DCC: variants seen among roughly 807,000 people sequenced by gnomAD.
DCC encodes DCC netrin 1 receptor, also known as netrin receptor DCC.
A neutral mutation model predicts 172.5 loss-of-function variants in DCC; 58 were observed. That is an observed-to-expected ratio of 0.34 (90% confidence interval 0.27 to 0.42). The LOEUF is 0.42. DCC is among the 10% of genes least tolerant of loss of function. DCC has a pLI of 1.00. For synonymous variants in DCC, 709 were observed against 644.5 expected (o/e 1.10, Z -1.52); for missense variants, 1,740 against 1,791.0 (o/e 0.97, Z 0.51).
At chr18:53,044,587 T>G (rs2042211671) in intron 5 of DCC, among the ~76,000 whole-genome samples, 1 of 151,816 alleles carries the variant, frequency 6.6e-6, no homozygotes, top group Non-Finnish European at 1.5e-5. Flanking sequence ...CTCATTACTT[T>G]AGGATATAAA....
At chr18:52,960,751 T>G (rs1598972543) in intron 5 of DCC, among the ~76,000 whole-genome samples, 1 of 152,264 alleles carries the variant, frequency 6.6e-6, no homozygotes, top group African/African-American at 2.4e-5. Context: ...CCAACACGGT[T>G]ACTCTCATAA....
At chr18:53,472,227 C>T (rs1038242453) in intron 25 of DCC, among the ~76,000 whole-genome samples, 16 of 152,078 alleles carry the variant, frequency 1.1e-4, no homozygotes, top group Non-Finnish European at 2.1e-4. Context: ...CTCTCATTTA[C>T]TAGAGAGAGA....
intron 2 of DCC, among the ~76,000 whole-genome samples, chr18:52,861,011 C>A (rs867638957): frequency 4.4e-3 from 532 of 120,278 alleles, no homozygotes; most frequent in Admixed American, 6.7e-3. Context: ...GAATCCATTT[C>A]AAAAAAAAAA....
At chr18:52,919,359 T>A (rs1011152916) in intron 3 of DCC, among the ~76,000 whole-genome samples, 5 of 152,236 alleles carry the variant, frequency 3.3e-5, no homozygotes, top group African/African-American at 1.2e-4. Flanking sequence ...AGTTGTAAAA[T>A]GTATGAACTA....
chr18:53,066,752 A>G (rs1303133034), intron 7 of DCC, among the ~76,000 whole-genome samples: 1 of 151,998 alleles, frequency 6.6e-6, no homozygotes, highest in East Asian at 1.9e-4. Context: ...GCTATAGAGA[A>G]ATATCTGAGA....
At chr18:52,387,726 T>C (rs1985869567) in intron 1 of DCC, among the ~76,000 whole-genome samples, 1 of 152,030 alleles carries the variant, frequency 6.6e-6, no homozygotes, top group South Asian at 2.1e-4. Context: ...TAGTTTGTTC[T>C]GGCCTCATTG....
At chr18:52,443,457 G>A (rs1050699945) in intron 1 of DCC, among the ~76,000 whole-genome samples, 7 of 151,950 alleles carry the variant, frequency 4.6e-5, no homozygotes, top group African/African-American at 1.7e-4. Context: ...GTGTTTGTGG[G>A]ACTACCAACA....
rs200420449 is a variant in DCC, at chr18:52,883,326, T to A, written c.413-22718T>A. On this transcript the variant is annotated intron_variant, in intron 2 of 28. Transcript: ENST00000442544. ...TTTTCTGTTTTATTTTTATTTTATT[T>A]TTTATTTATTTATTTATTTATTTAT... Among the ~76,000 whole-genome samples, 244 of 62,002 alleles carry A rather than the reference T, an allele frequency of 3.9e-3. 2 individuals carry two copies. Among genetic ancestry groups the A allele is most frequent in the African/African-American group, 9.7e-3 (192 of 19,712 alleles). The allele number at this position is 62,002 out of a possible 152,430, so 40.7% of individuals were successfully genotyped here.
chr18:53,222,442 T>C (rs1317253486), intron 12 of DCC, among the ~76,000 whole-genome samples: 2 of 141,922 alleles, frequency 1.4e-5, no homozygotes, highest in Non-Finnish European at 3.0e-5. Flanking sequence ...TGCAGTGCAG[T>C]GGTGTGATCT....
chr18:53,295,817 CTA>C (rs1389292859), intron 12 of DCC, among the ~76,000 whole-genome samples: 1 of 152,128 alleles, frequency 6.6e-6, no homozygotes, highest in Non-Finnish European at 1.5e-5. Context: ...ACCGTGTTGC[CTA>C]TGTCAGAAAC....
At chr18:52,867,364 G>A (rs1439883882) in intron 2 of DCC, among the ~76,000 whole-genome samples, 2 of 152,272 alleles carry the variant, frequency 1.3e-5, no homozygotes, top group South Asian at 2.1e-4. Context: ...TCTCTGTCAG[G>A]TTTTGGTATC....
At chr18:53,004,159 C>A (rs1423159848) in intron 5 of DCC, among the ~76,000 whole-genome samples, 2 of 152,050 alleles carry the variant, frequency 1.3e-5, no homozygotes, top group African/African-American at 2.4e-5. Context: ...TTTAAGGGAT[C>A]TTTCTTATGG....
chr18:52,384,588 G>A (rs566715205), intron 1 of DCC, among the ~76,000 whole-genome samples: 3 of 152,252 alleles, frequency 2.0e-5, no homozygotes, highest in South Asian at 2.1e-4. Context: ...CTGGGGTGGC[G>A]TGGCGGGGTG....
intron 11 of DCC, among the ~76,000 whole-genome samples, chr18:53,214,237 A>G (rs1007830273): frequency 2.6e-5 from 4 of 152,118 alleles, no homozygotes; most frequent in African/African-American, 9.7e-5. Context: ...ACTGGCTGCA[A>G]CCTTCATCAG....
At chr18:53,157,585 G>A in intron 8 of DCC, 73 bp downstream of exon 8, 1 of 1,515,996 alleles carries the variant, frequency 6.6e-7, no homozygotes. Flanking sequence ...GTAATGGCAG[G>A]AGGAGATCTT....
intron 15 of DCC, among the ~76,000 whole-genome samples, chr18:53,349,197 A>C (rs1452893921): frequency 1.3e-5 from 2 of 152,182 alleles, no homozygotes; most frequent in East Asian, 3.9e-4. Context: ...CCTCAAGTTG[A>C]AAGTTCCACA....
At chr18:52,678,863 C>T (rs2035691729) in intron 1 of DCC, among the ~76,000 whole-genome samples, 1 of 152,072 alleles carries the variant, frequency 6.6e-6, no homozygotes, top group Non-Finnish European at 1.5e-5. Flanking sequence ...ATCCTTTTTG[C>T]CCATTCTTTC....
rs559930377 is a variant in DCC at position 53,426,886 on chromosome 18, G to A, written c.3164-8258G>A. On this transcript the variant is annotated intron_variant, in intron 21 of 28. Coordinates refer to ENST00000442544, the MANE Select transcript of DCC (RefSeq NM_005215.4). ...CACAGACTAGCAGGGCACCAGCAGG[G>A]TGCTCATGTTCTAGTGTTTTCAGAC... 4.6e-5 allele frequency among the ~76,000 whole-genome samples: 7 copies of A among 152,234 alleles called. No individual in the cohort carries two copies. In the South Asian group the frequency reaches 1.5e-3, roughly 32 times the overall value.
At chr18:53,366,139 C>T (rs531416718) in intron 15 of DCC, among the ~76,000 whole-genome samples, 1 of 152,114 alleles carries the variant, frequency 6.6e-6, no homozygotes, top group African/African-American at 2.4e-5. Context: ...TCACTGCAAT[C>T]TCCGCCTCCT....
Sources: gnomAD v4.1 joint callset for allele counts (sites outside exome capture counted in the v4.1 genomes callset) on GRCh38, gnomAD v4.1.1 for gene constraint, MANE v1.5 for transcripts, NCBI Gene and HGNC (gene_info 2026-07-23, HGNC 2026-07-21) for gene names.